Variants in OR52E4 observed in about 807,000 individuals in gnomAD.
The protein encoded by OR52E4 is olfactory receptor 52E4.
For synonymous variants in OR52E4, 169 were observed against 137.4 expected (o/e 1.23, Z -1.61); for missense variants, 444 against 383.8 (o/e 1.16, Z -1.31).
chr11:5,885,415 T>G lies in OR52E4; in HGVS notation c.*184T>G. On this transcript the variant is annotated 3_prime_UTR_variant, in exon 2 of 2. Coordinates refer to ENST00000641726, the MANE Select transcript of OR52E4 (RefSeq NM_001005165.2). Reference sequence around the variant, plus strand: ...CTTTGCTGCCTGTTTCCCCTACTTCTCTCCAAGTACCTGGACAAAGGTTAG... The same window carrying G: ...CTTTGCTGCCTGTTTCCCCTACTTCGCTCCAAGTACCTGGACAAAGGTTAG... 1.9e-6 allele frequency: 1 copy of G among 534,390 alleles called. No homozygotes were observed. Among genetic ancestry groups the G allele is most frequent in the South Asian group, 2.8e-5 (1 of 35,482 alleles). The allele number at this position is 534,390 out of a possible 1,614,324, so 33.1% of individuals were successfully genotyped here.
chr11:5,886,230 T>C lies in OR52E4; in HGVS notation c.*999T>C, dbSNP rs975624246. 4.6e-5 allele frequency: 7 copies of C among 151,712 alleles called. No homozygotes were observed. The highest frequency in any genetic ancestry group is 1.7e-4 in the African/African-American group (7 of 41,346). 9.4% of individuals were successfully genotyped at this position (151,712 alleles called of 1,614,324 possible). ...ACACACACACACACATATATATATA[T>C]ATCCTATTAGTTCAGTCCCTCTAGA... On this transcript the variant is annotated 3_prime_UTR_variant, in exon 2 of 2. Coordinates refer to ENST00000641726, the MANE Select transcript of OR52E4 (RefSeq NM_001005165.2).
intron 1 of OR52E4, 147 bp from the exon 2 acceptor site, chr11:5,884,072 T>C (rs1394925170): frequency 2.2e-6 from 1 of 464,382 alleles, no homozygotes; most frequent in African/African-American, 2.0e-5. Context: ...ATAAGCAATA[T>C]TGCCTATGAT....
At position 5,886,187 on chromosome 11, in the gene OR52E4, G is replaced by C. The variant is rs920824816; in HGVS notation, c.*956G>C. 11 of 117,374 alleles carry C rather than the reference G, an allele frequency of 9.4e-5. No individual in the cohort carries two copies. The highest frequency in any genetic ancestry group is 4.1e-4 in the African/African-American group (11 of 26,790). The allele number at this position is 117,374 out of a possible 1,614,324, so 7.3% of individuals were successfully genotyped here. Reference sequence around the variant, plus strand: ...CTTAATTCCCCCTTTGTGTGTGTGTGTATGTGTACACACACACACACACAC... The same window carrying C: ...CTTAATTCCCCCTTTGTGTGTGTGTCTATGTGTACACACACACACACACAC... On this transcript the variant is annotated 3_prime_UTR_variant, in exon 2 of 2. Coordinates refer to ENST00000641726, the MANE Select transcript of OR52E4 (RefSeq NM_001005165.2).
rs1294599829 is a variant in OR52E4 at position 5,884,999 on chromosome 11, TAAAGGCCTTC to T, written c.710_719del (p.Lys237IlefsTer22). 1 of 1,613,114 alleles carries T rather than the reference TAAAGGCCTTC, an allele frequency of 6.2e-7. No individual in the cohort carries two copies. Among genetic ancestry groups the T allele is most frequent in the Non-Finnish European group, 8.5e-7 (1 of 1,179,394 alleles). On this transcript the variant is annotated frameshift_variant, in exon 2 of 2. Transcript: ENST00000641726. LOFTEE classifies it low-confidence loss of function (END_TRUNC). ...CGCCTTCCCTCTCAAGATGTCCGAC[TAAAGGCCTTC>T]AATACCTGTGGTTCTCATGTCTGTG...
chr11:5,884,466 C>G lies in OR52E4; in HGVS notation c.174C>G (p.His58Gln). The G allele has an allele frequency of 1.2e-6, 2 of 1,613,452 alleles. No homozygotes were observed. The highest frequency in any genetic ancestry group is 1.7e-6 in the Non-Finnish European group (2 of 1,179,608). Residue 58 changes from histidine to glutamine, a missense_variant, in exon 2 of 2, where the codon CAC becomes CAG. Transcript: ENST00000641726. ...TGATCAAAACTGAACATAGTCTACACCAGCCCATGTTCTACTTCCTGGCCA... is the reference window on the plus strand; with the variant it reads ...TGATCAAAACTGAACATAGTCTACAGCAGCCCATGTTCTACTTCCTGGCCA... ...LFVIKTEHSL[H>Q]QPMFYFLAML...
Position 5,885,429 on chromosome 11 carries a change from G to C in OR52E4, c.*198G>C. 1 of 520,482 alleles carries C rather than the reference G, an allele frequency of 1.9e-6. No individual in the cohort carries two copies. The allele number at this position is 520,482 out of a possible 1,614,324, so 32.2% of individuals were successfully genotyped here. On this transcript the variant is annotated 3_prime_UTR_variant, in exon 2 of 2. Transcript: ENST00000641726. The stretch of plus-strand genomic sequence containing the variant: ...TCCCCTACTTCTCTCCAAGTACCTG[G>C]ACAAAGGTTAGAGATTAATGGAGAA...
rs746676024 is a variant in OR52E4, at chr11:5,884,521, A to C, written c.229A>C (p.Thr77Pro). 6.2e-7 allele frequency: 1 copy of C among 1,613,492 alleles called. No homozygotes were observed. The highest frequency in any genetic ancestry group is 8.5e-7 in the Non-Finnish European group (1 of 1,179,672). Residue 77 changes from threonine to proline, a missense_variant, in exon 2 of 2, where the codon ACA becomes CCA. Physicochemically the swap from Thr to Pro is conservative, Grantham distance 38 (BLOSUM62 -1). Coordinates refer to ENST00000641726, the MANE Select transcript of OR52E4 (RefSeq NM_001005165.2). Reference protein sequence around the residue: ...MLSMIDLGLSTSTIPKMLGIF... With the variant: ...MLSMIDLGLSPSTIPKMLGIF... ...GTCTATGATTGATCTGGGTCTGTCC[A>C]CATCCACTATCCCCAAAATGCTAGG...
chr11:5,881,993 T>C (rs1032719465), intron 1 of OR52E4, among the ~76,000 whole-genome samples: 1 of 151,934 alleles, frequency 6.6e-6, no homozygotes, highest in Non-Finnish European at 1.5e-5. Flanking sequence ...GTAAAAAAAA[T>C]CACAAGTTCA....
At chr11:5,883,149 G>A (rs1378930022) in intron 1 of OR52E4, among the ~76,000 whole-genome samples, 1 of 152,048 alleles carries the variant, frequency 6.6e-6, no homozygotes. Context: ...ACTAACTGAT[G>A]TTATAGATTG....
chr11:5,883,346 C>T (rs1846990112), intron 1 of OR52E4, among the ~76,000 whole-genome samples: 1 of 151,970 alleles, frequency 6.6e-6, no homozygotes, highest in South Asian at 2.1e-4. Context: ...CAGGAAAGTT[C>T]TAACAGAGAC....
Position 5,885,355 on chromosome 11 carries a change from T to C in OR52E4, c.*124T>C. The C allele has an allele frequency of 3.0e-6, 2 of 671,858 alleles. No individual in the cohort carries two copies. The highest frequency in any genetic ancestry group is 2.1e-5 in the South Asian group (1 of 47,216). The allele number at this position is 671,858 out of a possible 1,614,324, so 41.6% of individuals were successfully genotyped here. ...CAGATTTTTTCCTTTTGACTGGAAG[T>C]GCTTTAGTGTTGACAGATAATGCAA... On this transcript the variant is annotated 3_prime_UTR_variant, in exon 2 of 2. Transcript: ENST00000641726.
chr11:5,883,261 TG>T (rs1359786754), intron 1 of OR52E4, among the ~76,000 whole-genome samples: 1 of 151,984 alleles, frequency 6.6e-6, no homozygotes, highest in African/African-American at 2.4e-5. Flanking sequence ...GGATTGTTCA[TG>T]AAGATTTAGA....
intron 1 of OR52E4, among the ~76,000 whole-genome samples, chr11:5,881,753 C>A (rs760110685): frequency 6.6e-6 from 1 of 151,960 alleles, no homozygotes; most frequent in Non-Finnish European, 1.5e-5. Flanking sequence ...AGCACCTATA[C>A]AAACATTGGT....
At chr11:5,882,552 C>T (rs935958) in intron 1 of OR52E4, among the ~76,000 whole-genome samples, 124,486 of 152,074 alleles carry the variant, frequency 0.82, 51,116 homozygotes, top group African/African-American at 0.88. Context: ...TCTTCTCATA[C>T]AGAATGGGGA....
rs371692932 is a variant in OR52E4, at chr11:5,884,134, A to G, written c.-74-85A>G. On this transcript the variant is annotated intron_variant, in intron 1 of 1. Coordinates refer to ENST00000641726, the MANE Select transcript of OR52E4 (RefSeq NM_001005165.2). ...AGAGGCTTCCTCGATTATCCTCTGGAAAGAAGTGAGTCTTGAATGTTTGTA... is the reference window on the plus strand; with the variant it reads ...AGAGGCTTCCTCGATTATCCTCTGGGAAGAAGTGAGTCTTGAATGTTTGTA... The G allele has an allele frequency of 5.6e-5, 34 of 605,804 alleles. No individual in the cohort carries two copies. The East Asian group carries it at 7.3e-4, about 13-fold the overall frequency. 37.5% of individuals were successfully genotyped at this position (605,804 alleles called of 1,614,324 possible). A position where few individuals can be genotyped will look rare whatever the true frequency, so the allele number is the denominator to read the frequency against.
chr11:5,882,031 GA>G (rs1410330284), intron 1 of OR52E4, among the ~76,000 whole-genome samples: 3 of 152,054 alleles, frequency 2.0e-5, no homozygotes, highest in Admixed American at 6.6e-5. Context: ...AGCACAATAA[GA>G]GAAAAATTGC....
At position 5,883,297 on chromosome 11, in the gene OR52E4, A is replaced by G. The variant is rs764603953; in HGVS notation, c.-74-922A>G. On this transcript the variant is annotated intron_variant, in intron 1 of 1. Coordinates refer to ENST00000641726, the MANE Select transcript of OR52E4 (RefSeq NM_001005165.2). ...AAGCATCAAAATTAGTAATTAATCC[A>G]TAATAGAAATGCACTTATCAGTTTA... Among the ~76,000 whole-genome samples the G allele has an allele frequency of 5.3e-4, 80 of 152,188 alleles. 1 individual carries two copies. The highest frequency in any genetic ancestry group is 3.4e-3 in the Middle Eastern group (1 of 294).
In OR52E4 at chr11:5,884,108, G is replaced by T. The variant is rs1483430348; in HGVS notation, c.-74-111G>T. 1.2e-5 allele frequency: 7 copies of T among 572,368 alleles called. No individual in the cohort carries two copies. The East Asian group carries it at 2.0e-4, about 16-fold the overall frequency. The allele number at this position is 572,368 out of a possible 1,614,324, so 35.5% of individuals were successfully genotyped here. The stretch of plus-strand genomic sequence containing the variant: ...GGATCTCAGAACAATAATCTGTGTT[G>T]AGAGGCTTCCTCGATTATCCTCTGG... On this transcript the variant is annotated intron_variant, in intron 1 of 1. Coordinates refer to ENST00000641726, the MANE Select transcript of OR52E4 (RefSeq NM_001005165.2).
In OR52E4 at chr11:5,884,514, T is replaced by G; in HGVS notation, c.222T>G (p.Gly74=). ...FLAMLSMIDL[G]LSTSTIPKML... The stretch of plus-strand genomic sequence containing the variant: ...CCATGTTGTCTATGATTGATCTGGG[T>G]CTGTCCACATCCACTATCCCCAAAA... The change falls in exon 2 of 2, where the codon GGT becomes GGG. Residue 74 remains glycine (G), a synonymous_variant. Coordinates refer to ENST00000641726, the MANE Select transcript of OR52E4 (RefSeq NM_001005165.2). 1 of 1,613,474 alleles carries G rather than the reference T, an allele frequency of 6.2e-7. No individual in the cohort carries two copies. The highest frequency in any genetic ancestry group is 8.5e-7 in the Non-Finnish European group (1 of 1,179,638).
Sources: gnomAD v4.1 joint callset for allele counts (sites outside exome capture counted in the v4.1 genomes callset) on GRCh38, gnomAD v4.1.1 for gene constraint, MANE v1.5 for transcripts, NCBI Gene and HGNC (gene_info 2026-07-23, HGNC 2026-07-21) for gene names.